The following ARHGEF26 variants were observed in gnomAD, a reference collection of about 807,000 sequenced individuals.
The protein encoded by ARHGEF26 is Rho guanine nucleotide exchange factor 26.
ARHGEF26 carries 59 observed loss-of-function variants against 89.4 expected under a neutral mutation model. The observed-to-expected ratio is 0.66, with a 90% CI of 0.54 to 0.82. The LOEUF (loss-of-function observed/expected upper bound fraction) is 0.82, where lower values mean the gene tolerates loss of function less well. ARHGEF26 is among the 40% of genes least tolerant of loss of function. The pLI is 0.00. For synonymous variants in ARHGEF26, 500 were observed against 428.4 expected (o/e 1.17, Z -2.06); for missense variants, 1,234 against 1,085.6 (o/e 1.14, Z -1.92).
chr3:154,126,256 G>T (rs1266113632), intron 3 of ARHGEF26, among the ~76,000 whole-genome samples: 2 of 152,160 alleles, frequency 1.3e-5, no homozygotes, highest in African/African-American at 4.8e-5. Flanking sequence ...AGGGGCAGAT[G>T]CATGCTTGTT....
At chr3:154,151,297 G>T (rs1021945480) in intron 5 of ARHGEF26, among the ~76,000 whole-genome samples, 6 of 152,122 alleles carry the variant, frequency 3.9e-5, no homozygotes, top group Non-Finnish European at 5.9e-5. Flanking sequence ...AGGAACAAAA[G>T]AAATTATTTA....
At position 154,257,066 on chromosome 3, in the gene ARHGEF26, C is replaced by T; in HGVS notation, c.*1593C>T. ...TGTGACATGTCCCAACTACTGTCCG[C>T]TAACTAGTTATCCAAATTGTAAAGC... On this transcript the variant is annotated 3_prime_UTR_variant, in exon 15 of 15. Coordinates refer to ENST00000465093, the MANE Select transcript of ARHGEF26 (RefSeq NM_015595.4). 1 of 1,350,150 alleles carries T rather than the reference C, an allele frequency of 7.4e-7. No individual in the cohort carries two copies. Among genetic ancestry groups the T allele is most frequent in the Non-Finnish European group, 9.6e-7 (1 of 1,039,884 alleles). 83.6% of individuals were successfully genotyped at this position (1,350,150 alleles called of 1,614,324 possible). A position where few individuals can be genotyped will look rare whatever the true frequency, so the allele number is the denominator to read the frequency against.
Position 154,122,073 on chromosome 3 carries a change from C to G in ARHGEF26, c.81C>G (p.His27Gln), listed in dbSNP as rs1717968077. 1.2e-6 allele frequency: 2 copies of G among 1,612,808 alleles called. No individual in the cohort carries two copies. The highest frequency in any genetic ancestry group is 1.3e-5 in the African/African-American group (1 of 74,914). ...GGAGGCGGTCGATTCCTCAGCCCCA[C>G]CAGGTTCTGGGCCGGAGCAAGCCGA... ...LWRRRSIPQP[H>Q]QVLGRSKPRP... The change falls in exon 2 of 15, where the codon CAC (histidine) becomes CAG (glutamine). Residue 27 changes from histidine (H) to glutamine (Q), a missense_variant. Physicochemically the swap from His to Gln is conservative, Grantham distance 24 (BLOSUM62 0). Transcript: ENST00000465093.
chr3:154,247,714 G>A (rs1400791091), intron 12 of ARHGEF26, among the ~76,000 whole-genome samples: 1 of 152,094 alleles, frequency 6.6e-6, no homozygotes, highest in Admixed American at 6.5e-5. Flanking sequence ...TGCTGGAGCA[G>A]GTTTTTCCCA....
intron 2 of ARHGEF26, among the ~76,000 whole-genome samples, chr3:154,123,570 C>T (rs1370279988): frequency 1.3e-5 from 2 of 152,192 alleles, no homozygotes; most frequent in Non-Finnish European, 2.9e-5. Flanking sequence ...GGTTACTACG[C>T]ACTTGATGTC....
intron 3 of ARHGEF26, among the ~76,000 whole-genome samples, chr3:154,126,090 C>T (rs1718314374): frequency 6.6e-6 from 1 of 152,136 alleles, no homozygotes; most frequent in Admixed American, 6.5e-5. Context: ...TACTTTGTGC[C>T]AACTACTTAG....
rs369792554 is a variant in ARHGEF26 at position 154,253,137 on chromosome 3, A to G, written c.2322A>G (p.Ile774Met). 6.2e-7 allele frequency: 1 copy of G among 1,613,906 alleles called. No homozygotes were observed. Among genetic ancestry groups the G allele is most frequent in the Non-Finnish European group, 8.5e-7 (1 of 1,179,900 alleles). The change falls in exon 13 of 15, where the codon ATA becomes ATG. Residue 774 changes from isoleucine (I) to methionine (M), a missense_variant. By Grantham distance (10) the Ile-to-Met change is conservative. Coordinates refer to ENST00000465093, the MANE Select transcript of ARHGEF26 (RefSeq NM_015595.4). ...TTAGGAGCGAGCGAGCCCGCTGGATAACTGCCCTGGGACACAGCAGCGGGA... is the reference window on the plus strand; with the variant it reads ...TTAGGAGCGAGCGAGCCCGCTGGATGACTGCCCTGGGACACAGCAGCGGGA... ...AETQSERARW[I>M]TALGHSSGKP...
intron 9 of ARHGEF26, among the ~76,000 whole-genome samples, chr3:154,217,360 T>G (rs899287034): frequency 2.0e-5 from 3 of 152,074 alleles, no homozygotes; most frequent in Non-Finnish European, 4.4e-5. Context: ...TTCATGTCCT[T>G]CACCCACTTT....
chr3:154,129,528 AATG>A (rs779888356), intron 3 of ARHGEF26, 43 bp from the exon 4 acceptor site: 5 of 1,585,054 alleles, frequency 3.2e-6, no homozygotes, highest in Non-Finnish European at 3.4e-6. Flanking sequence ...CAAGTAACAT[AATG>A]ATTGAGAACA....
chr3:154,200,797 G>T (rs1177980203), intron 9 of ARHGEF26, among the ~76,000 whole-genome samples: 1 of 151,136 alleles, frequency 6.6e-6, no homozygotes, highest in Non-Finnish European at 1.5e-5. Flanking sequence ...TTTTCTTATA[G>T]AGATCTTTCA....
intron 6 of ARHGEF26, among the ~76,000 whole-genome samples, chr3:154,158,393 T>G (rs1313585523): frequency 6.6e-6 from 1 of 152,188 alleles, no homozygotes; most frequent in African/African-American, 2.4e-5. Context: ...CTAACCCTCC[T>G]TAAAAGGAGT....
chr3:154,191,407 C>T lies in ARHGEF26; in HGVS notation c.1759C>T (p.Leu587=). Residue 587 remains leucine (L), a synonymous_variant, in exon 8 of 15, where the codon CTG becomes TTG. Transcript: ENST00000465093. The part of the protein sequence containing the change: ...LPMQRVTRLP[L]LMDTICQKTP... ...CATGCAGAGGGTGACCCGCCTTCCCCTGCTGATGGATGTAAGACATGACGG... is the reference window on the plus strand; with the variant it reads ...CATGCAGAGGGTGACCCGCCTTCCCTTGCTGATGGATGTAAGACATGACGG... 2 of 1,613,810 alleles carry T rather than the reference C, an allele frequency of 1.2e-6. No homozygotes were observed. The highest frequency in any genetic ancestry group is 1.7e-6 in the Non-Finnish European group (2 of 1,179,802).
chr3:154,166,158 C>T (rs1159152852), intron 6 of ARHGEF26, among the ~76,000 whole-genome samples: 1 of 152,288 alleles, frequency 6.6e-6, no homozygotes. Flanking sequence ...TCTCCTGCCT[C>T]AGTAGGAGAA....
At chr3:154,164,257 T>G (rs1252374818) in intron 6 of ARHGEF26, among the ~76,000 whole-genome samples, 1 of 152,088 alleles carries the variant, frequency 6.6e-6, no homozygotes. Flanking sequence ...TAAAAAAAAT[T>G]TTGAAATCAC....
intron 11 of ARHGEF26, among the ~76,000 whole-genome samples, chr3:154,239,285 AGAGAGAGAGAGAGAGT>A (rs1559920491): frequency 3.0e-4 from 31 of 104,350 alleles, no homozygotes; most frequent in African/African-American, 9.8e-4. Flanking sequence ...AGAGAGAGAG[AGAGAGAGAGAGAGAGT>A]GTGTGTGTGT....
intron 11 of ARHGEF26, among the ~76,000 whole-genome samples, chr3:154,235,871 G>T (rs889790256): frequency 1.3e-5 from 2 of 152,030 alleles, no homozygotes; most frequent in African/African-American, 2.4e-5. Context: ...CTTTATTCTT[G>T]TGCTAACTAC....
chr3:154,223,494 T>C (rs961642666), intron 10 of ARHGEF26, among the ~76,000 whole-genome samples: 2 of 152,170 alleles, frequency 1.3e-5, no homozygotes, highest in African/African-American at 4.8e-5. Context: ...TATATGCATA[T>C]AGTAAAATAT....
intron 6 of ARHGEF26, among the ~76,000 whole-genome samples, chr3:154,162,664 A>G (rs1711740512): frequency 2.0e-5 from 3 of 151,940 alleles, no homozygotes; most frequent in African/African-American, 7.3e-5. Flanking sequence ...CATTAGGTGA[A>G]TTGGCGTGTC....
At chr3:154,216,060 C>G (rs1338733922) in intron 9 of ARHGEF26, among the ~76,000 whole-genome samples, 2 of 152,172 alleles carry the variant, frequency 1.3e-5, no homozygotes, top group Admixed American at 1.3e-4. Context: ...TTTCCAACTA[C>G]ATCTGTGCAG....
Sources: gnomAD v4.1 joint callset for allele counts (sites outside exome capture counted in the v4.1 genomes callset) on GRCh38, gnomAD v4.1.1 for gene constraint, MANE v1.5 for transcripts, NCBI Gene and HGNC (gene_info 2026-07-23, HGNC 2026-07-21) for gene names.